The following B4GALNT3 variants were observed in gnomAD, a reference collection of about 807,000 sequenced individuals.
B4GALNT3 encodes beta-1,4-N-acetylgalactosaminyltransferase 3.
B4GALNT3 carries 86 observed loss-of-function variants against 120.2 expected under a neutral mutation model. That is an observed-to-expected ratio of 0.72 (90% confidence interval 0.60 to 0.86). The LOEUF (loss-of-function observed/expected upper bound fraction) is 0.86. Among genes scored for constraint, B4GALNT3 ranks in the 40% least tolerant of loss-of-function variants. B4GALNT3 has a pLI of 0.00. For synonymous variants in B4GALNT3, 518 were observed against 510.4 expected, an observed-to-expected ratio of 1.01 and a Z score of -0.20; for missense variants, 1,167 against 1,298.9, an observed-to-expected ratio of 0.90 and a Z score of 1.56.
chr12:556,585 G>A lies in B4GALNT3; in HGVS notation c.2099G>A (p.Arg700His), dbSNP rs774931975. Residue 700 changes from arginine to histidine, a missense_variant, in exon 15 of 20, where the codon CGT (arginine) becomes CAT (histidine). Arg to His is a conservative substitution (Grantham distance 29). Transcript: ENST00000266383. ...QLQRIVNVEK[R>H]QDQLRGGRYL... ...CAGCGCATTGTGAACGTGGAAAAGCGTCAGGACCAGCTACGTGGGGGTCGC... is the reference window on the plus strand; with the variant it reads ...CAGCGCATTGTGAACGTGGAAAAGCATCAGGACCAGCTACGTGGGGGTCGC... The A allele has an allele frequency of 1.9e-5, 31 of 1,614,022 alleles. No homozygotes were observed. The highest frequency in any genetic ancestry group is 2.7e-5 in the African/African-American group (2 of 75,058).
Position 561,478 on chromosome 12 carries a change from C to T in B4GALNT3, c.*27C>T, listed in dbSNP as rs1208844518. 6.5e-7 allele frequency: 1 copy of T among 1,544,686 alleles called. No individual in the cohort carries two copies. On this transcript the variant is annotated 3_prime_UTR_variant, in exon 20 of 20. Transcript: ENST00000266383. ...CGGAGGGTGTCCGCGGGGCCCAGCACTCCCCGCTCTGGACTAGCAGTGGCT... is the reference window on the plus strand; with the variant it reads ...CGGAGGGTGTCCGCGGGGCCCAGCATTCCCCGCTCTGGACTAGCAGTGGCT...
chr12:556,075 A>G (rs11612062), intron 14 of B4GALNT3, among the ~76,000 whole-genome samples: 9,517 of 151,888 alleles, frequency 0.063, 697 homozygotes, highest in Admixed American at 0.22. Flanking sequence ...GAGCCACTGC[A>G]CCTGGCATTG....
intron 14 of B4GALNT3, 87 bp downstream of exon 14, chr12:554,070 G>A (rs1366143906): frequency 5.7e-6 from 5 of 876,542 alleles, no homozygotes; most frequent in African/African-American, 1.7e-5. Context: ...GGCTGGTAGT[G>A]GGTTCCCCCA....
At chr12:546,545 T>C in intron 6 of B4GALNT3, 101 bp from the exon 7 acceptor site, 1 of 1,066,066 alleles carries the variant, frequency 9.4e-7, no homozygotes, top group Non-Finnish European at 1.4e-6. Context: ...CCTCCCTTTT[T>C]CTCTCACTTC....
chr12:520,807 A>G (rs1027982249), intron 1 of B4GALNT3, among the ~76,000 whole-genome samples: 1 of 152,242 alleles, frequency 6.6e-6, no homozygotes, highest in African/African-American at 2.4e-5. Flanking sequence ...ATATATACAT[A>G]TATGAATTGG....
At chr12:544,776 C>A in intron 4 of B4GALNT3, 106 bp from the exon 5 acceptor site, 1 of 1,118,546 alleles carries the variant, frequency 8.9e-7, no homozygotes. Context: ...AGCCACAGCC[C>A]TGGTCCCTCC....
chr12:487,435 G>A (rs188952516), intron 1 of B4GALNT3, among the ~76,000 whole-genome samples: 13 of 152,306 alleles, frequency 8.5e-5, no homozygotes, highest in African/African-American at 1.7e-4. Flanking sequence ...AAGTCTTGCC[G>A]TGTGTGGTAG....
intron 1 of B4GALNT3, among the ~76,000 whole-genome samples, chr12:511,247 CGCCTTCT>C (rs202235456): frequency 1.3e-5 from 2 of 149,800 alleles, no homozygotes; most frequent in African/African-American, 2.5e-5. Context: ...TTCCACCTTC[CGCCTTCT>C]GCCTTCCGCC....
chr12:520,724 G>A (rs1643059236), intron 1 of B4GALNT3, among the ~76,000 whole-genome samples: 1 of 96,410 alleles, frequency 1.0e-5, no homozygotes, highest in Non-Finnish European at 2.1e-5. Flanking sequence ...CTGGGAGGCG[G>A]AGGTTGCACT....
chr12:555,884 C>T lies in B4GALNT3; in HGVS notation c.2061-663C>T, dbSNP rs185911302. On this transcript the variant is annotated intron_variant, in intron 14 of 19. Coordinates refer to ENST00000266383, the MANE Select transcript of B4GALNT3 (RefSeq NM_173593.4). ...ATGCAAGCTCCGCCTCCCGGGTTCA[C>T]GCCATTCTCCTGCCTCAGCCTCCTG... 3.2e-3 allele frequency among the ~76,000 whole-genome samples: 484 copies of T among 152,072 alleles called. 4 individuals carry two copies. Among genetic ancestry groups the T allele is most frequent in the African/African-American group, 9.5e-3 (394 of 41,468 alleles).
At chr12:543,167 G>C (rs1449236195) in intron 3 of B4GALNT3, 1 of 1,289,520 alleles carries the variant, frequency 7.8e-7, no homozygotes, top group African/African-American at 1.5e-5. Context: ...AGCAGACCTT[G>C]TCCCCAAGGC....
rs1947069856 is a variant in B4GALNT3, at chr12:550,590, A to G, written c.998-332A>G. Among the ~76,000 whole-genome samples the G allele has an allele frequency of 6.6e-6, 1 of 152,218 alleles. No individual in the cohort carries two copies. On this transcript the variant is annotated intron_variant, in intron 10 of 19. Transcript: ENST00000266383. The surrounding 1 kb of genome is among the most constrained non-coding windows in gnomAD (Gnocchi z 4.1). ...AGGGGATGTTCAGCCCATGGTAGGA[A>G]ATCCAGTTATCGGTACTGTACGAGG...
At chr12:485,534 T>C (rs1052204454) in intron 1 of B4GALNT3, among the ~76,000 whole-genome samples, 2 of 152,088 alleles carry the variant, frequency 1.3e-5, no homozygotes, top group African/African-American at 4.8e-5. Flanking sequence ...CCCAGAAATA[T>C]GTGAATGACC....
Position 553,303 on chromosome 12 carries a change from C to T in B4GALNT3, c.1380C>T (p.Ala460=), listed in dbSNP as rs763051208. ...ARMLEGRQTP[A]STLEQDATDY... is the part of the protein sequence containing the mutation. ...TGCTTGAGGGAAGACAGACACCTGC[C>T]TCCACCCTGGAGCAAGATGCCACTG... is the stretch of plus-strand genomic sequence containing the variant. Residue 460 remains alanine, a synonymous_variant, in exon 14 of 20, where the codon GCC becomes GCT. Coordinates refer to ENST00000266383, the MANE Select transcript of B4GALNT3 (RefSeq NM_173593.4). The T allele has an allele frequency of 6.2e-7, 1 of 1,613,674 alleles. No homozygotes were observed. The highest frequency in any genetic ancestry group is 1.1e-5 in the South Asian group (1 of 91,090).
At chr12:529,688 T>C (rs1446677958) in intron 1 of B4GALNT3, among the ~76,000 whole-genome samples, 2 of 152,192 alleles carry the variant, frequency 1.3e-5, no homozygotes, top group African/African-American at 4.8e-5. Context: ...TCGGTAAAGG[T>C]GAGCTGCTAT....
At chr12:475,192 G>C (rs1471578427) in intron 1 of B4GALNT3, among the ~76,000 whole-genome samples, 1 of 152,178 alleles carries the variant, frequency 6.6e-6, no homozygotes, top group East Asian at 1.9e-4. Context: ...CCAGAAGTTT[G>C]CTCGTCTCCT....
intron 1 of B4GALNT3, among the ~76,000 whole-genome samples, chr12:513,484 C>T (rs1013726368): frequency 2.0e-5 from 3 of 152,154 alleles, no homozygotes; most frequent in Admixed American, 6.5e-5. Context: ...ATGGTGCTGG[C>T]GGGAGCATAG....
In B4GALNT3 at chr12:553,725, G is replaced by A; in HGVS notation, c.1802G>A (p.Gly601Glu). 1 of 1,614,192 alleles carries A rather than the reference G, an allele frequency of 6.2e-7. No individual in the cohort carries two copies. Among genetic ancestry groups the A allele is most frequent in the Non-Finnish European group, 8.5e-7 (1 of 1,180,000 alleles). ...GTGGTGGCGGCCGCAGGCCAGGAAGGACAAGTGGAGGGAGAGGAAGAGGGG... is the reference window on the plus strand; with the variant it reads ...GTGGTGGCGGCCGCAGGCCAGGAAGAACAAGTGGAGGGAGAGGAAGAGGGG... ...EEVVAAAGQE[G>E]QVEGEEEGEE... The change falls in exon 14 of 20, where the codon GGA becomes GAA. Residue 601 changes from glycine (G) to glutamate (E), a missense_variant. By Grantham distance (98) the Gly-to-Glu change is moderately conservative. Around this residue, in one of 3 missense-constraint regions of B4GALNT3, gnomAD observed 983 missense variants for 1,102.5 expected, o/e 0.89. Coordinates refer to ENST00000266383, the MANE Select transcript of B4GALNT3 (RefSeq NM_173593.4).
Position 536,208 on chromosome 12 carries a change from C to A in B4GALNT3, c.274-10C>A, listed in dbSNP as rs750630448. 6.2e-7 allele frequency: 1 copy of A among 1,612,048 alleles called. No homozygotes were observed. Among genetic ancestry groups the A allele is most frequent in the South Asian group, 1.1e-5 (1 of 91,028 alleles). On this transcript the variant is annotated splice_polypyrimidine_tract_variant and intron_variant, in intron 2 of 19. Transcript: ENST00000266383. ...ATTCCTACCAACTTCGTTCTTCATT[C>A]TTCCCCTAGGACCACGACATTGACC...
Sources: allele counts gnomAD v4.1 joint callset (sites outside exome capture counted in the v4.1 genomes callset), GRCh38; gene constraint gnomAD v4.1.1; regional missense constraint gnomAD v4.1.1; non-coding constraint Gnocchi (gnomAD v3.1); transcripts MANE v1.5; gene names NCBI Gene and HGNC (gene_info 2026-07-23, HGNC 2026-07-21).